Variants in TMEM135 observed in about 807,000 individuals in gnomAD.
The protein encoded by TMEM135 is transmembrane protein 135.
Under a neutral mutation model 60.3 loss-of-function variants are expected in TMEM135, and 30 were observed. That is an observed-to-expected ratio of 0.50 (90% confidence interval 0.37 to 0.68). TMEM135 has a LOEUF of 0.68. Ranked by LOEUF, TMEM135 falls within the 30% of genes least tolerant of loss-of-function variation. The probability of loss-of-function intolerance (pLI) is 0.00; values close to 1 mark genes in which losing one functional copy is unlikely to be tolerated. For synonymous variants in TMEM135, 190 were observed against 186.7 expected (o/e 1.02, Z -0.14); for missense variants, 468 against 548.8 (o/e 0.85, Z 1.47).
chr11:87,099,312 A>T (rs1357888064), intron 4 of TMEM135, among the ~76,000 whole-genome samples: 1 of 151,706 alleles, frequency 6.6e-6, no homozygotes, highest in South Asian at 2.1e-4. Flanking sequence ...TACTGTATTT[A>T]AAAAAAAATT....
intron 4 of TMEM135, among the ~76,000 whole-genome samples, chr11:87,104,972 A>G (rs1044337318): frequency 6.6e-6 from 1 of 152,150 alleles, no homozygotes; most frequent in Non-Finnish European, 1.5e-5. Flanking sequence ...AGAGATGGTG[A>G]GAGTGGGCAT....
At position 87,091,381 on chromosome 11, in the gene TMEM135, T is replaced by A. The variant is rs531984450; in HGVS notation, c.382T>A (p.Tyr128Asn). 5 of 1,612,430 alleles carry A rather than the reference T, an allele frequency of 3.1e-6. No homozygotes were observed. The highest frequency in any genetic ancestry group is 1.3e-5 in the African/African-American group (1 of 75,022). Residue 128 changes from tyrosine (Y) to asparagine (N), a missense_variant, in exon 4 of 15, where the codon TAT becomes AAT. Transcript: ENST00000305494. ...TTGCAGGAGAGGGCTGCTCACAATT[T>A]ATATGGCCAACTTGGTAAGTATTTT... is the stretch of plus-strand genomic sequence containing the variant. ...RKSRRGLLTIYMANLATETLF... is the reference protein window; with the variant it reads ...RKSRRGLLTINMANLATETLF...
chr11:87,245,972 T>C (rs1941259173), intron 6 of TMEM135, among the ~76,000 whole-genome samples: 1 of 126,670 alleles, frequency 7.9e-6, no homozygotes, highest in Non-Finnish European at 1.7e-5. Context: ...TTTGGCATGA[T>C]TTTGCAGCGG....
intron 4 of TMEM135, among the ~76,000 whole-genome samples, chr11:87,115,928 AGTTT>A (rs1484763578): frequency 6.6e-6 from 1 of 152,088 alleles, no homozygotes; most frequent in Non-Finnish European, 1.5e-5. Context: ...TATGCTATTT[AGTTT>A]ATTTAACCTA....
chr11:87,054,101 TAAA>T (rs970504714), intron 1 of TMEM135, among the ~76,000 whole-genome samples: 3 of 152,184 alleles, frequency 2.0e-5, no homozygotes, highest in Non-Finnish European at 2.9e-5. Context: ...TGAAATAAAT[TAAA>T]GAAGATTTTA....
intron 4 of TMEM135, among the ~76,000 whole-genome samples, chr11:87,150,165 C>T (rs767615569): frequency 4.9e-5 from 7 of 143,976 alleles, no homozygotes; most frequent in Non-Finnish European, 7.5e-5. Flanking sequence ...TGCAGTGAGC[C>T]GAGTGCACCA....
chr11:87,240,196 C>A (rs996321550), intron 6 of TMEM135, among the ~76,000 whole-genome samples: 4 of 152,042 alleles, frequency 2.6e-5, no homozygotes, highest in African/African-American at 9.7e-5. Flanking sequence ...CTGTTAGGAA[C>A]TGGATTACAA....
chr11:87,131,472 T>C (rs1292533013), intron 4 of TMEM135, among the ~76,000 whole-genome samples: 2 of 152,184 alleles, frequency 1.3e-5, no homozygotes, highest in African/African-American at 4.8e-5. Flanking sequence ...TACTATTATA[T>C]CTGCAATGCT....
chr11:87,067,188 A>G (rs1856682941), intron 1 of TMEM135, among the ~76,000 whole-genome samples: 1 of 146,894 alleles, frequency 6.8e-6, no homozygotes, highest in Admixed American at 6.8e-5. Flanking sequence ...TACACACACT[A>G]TGTATATATA....
chr11:87,182,782 C>T (rs924290434), intron 5 of TMEM135, among the ~76,000 whole-genome samples: 6 of 151,982 alleles, frequency 3.9e-5, no homozygotes, highest in African/African-American at 7.2e-5. Flanking sequence ...TTTCATAGAT[C>T]TCACTTTTAA....
intron 2 of TMEM135, among the ~76,000 whole-genome samples, chr11:87,070,310 G>A (rs531014722): frequency 6.6e-6 from 1 of 151,760 alleles, no homozygotes; most frequent in Non-Finnish European, 1.5e-5. Flanking sequence ...AGGAACATAT[G>A]TTTTCAAGGA....
intron 5 of TMEM135, among the ~76,000 whole-genome samples, chr11:87,160,949 G>C (rs1281721554): frequency 6.6e-6 from 1 of 152,058 alleles, no homozygotes; most frequent in Admixed American, 6.6e-5. Context: ...GCCCAGACTG[G>C]GGTGCAGTGG....
intron 6 of TMEM135, among the ~76,000 whole-genome samples, chr11:87,292,320 T>C (rs1283740318): frequency 6.6e-6 from 1 of 152,230 alleles, no homozygotes; most frequent in Non-Finnish European, 1.5e-5. Flanking sequence ...CTTTCCCAAC[T>C]AGAATGCCAG....
chr11:87,087,208 C>T (rs190932420), intron 3 of TMEM135, among the ~76,000 whole-genome samples: 19 of 151,400 alleles, frequency 1.3e-4, no homozygotes, highest in African/African-American at 4.4e-4. Flanking sequence ...CTGACATGCC[C>T]AGATAACTGG....
At chr11:87,309,976 T>C (rs1000870255) in intron 10 of TMEM135, among the ~76,000 whole-genome samples, 1 of 152,184 alleles carries the variant, frequency 6.6e-6, no homozygotes, top group Non-Finnish European at 1.5e-5. Flanking sequence ...TTTTTGGATA[T>C]TTCCAATATC....
intron 6 of TMEM135, among the ~76,000 whole-genome samples, chr11:87,288,948 G>T (rs559642550): frequency 1.3e-5 from 2 of 152,208 alleles, no homozygotes; most frequent in African/African-American, 4.8e-5. Flanking sequence ...AACATAGGGA[G>T]ATCCCATCTT....
chr11:87,233,459 C>G (rs2135370139), intron 5 of TMEM135, among the ~76,000 whole-genome samples: 1 of 152,096 alleles, frequency 6.6e-6, no homozygotes, highest in South Asian at 2.1e-4. Flanking sequence ...GAATTACCAT[C>G]CAACAAATAA....
chr11:87,168,064 C>A (rs1031274765), intron 5 of TMEM135, among the ~76,000 whole-genome samples: 17 of 152,104 alleles, frequency 1.1e-4, no homozygotes, highest in African/African-American at 4.1e-4. Context: ...AGGAATTTAT[C>A]CATTTCTTCT....
chr11:87,064,268 T>TTA (rs1318182304), intron 1 of TMEM135, among the ~76,000 whole-genome samples: 1 of 152,020 alleles, frequency 6.6e-6, no homozygotes, highest in Non-Finnish European at 1.5e-5. Context: ...ACTCCTTTTT[T>TTA]TTTTTTTTTA....
Sources: allele counts gnomAD v4.1 joint callset (sites outside exome capture counted in the v4.1 genomes callset), GRCh38; gene constraint gnomAD v4.1.1; transcripts MANE v1.5; gene names NCBI Gene and HGNC (gene_info 2026-07-23, HGNC 2026-07-21).